KCNH2: variants seen among roughly 807,000 people sequenced by gnomAD.
KCNH2 encodes potassium voltage-gated channel subfamily H member 2, also known as voltage-gated inwardly rectifying potassium channel KCNH2.
A neutral mutation model predicts 95.9 loss-of-function variants in KCNH2; 35 were observed. The ratio of observed to expected loss-of-function variants is 0.37; its 90% CI spans 0.28 to 0.48. The LOEUF (loss-of-function observed/expected upper bound fraction) is 0.48. KCNH2 is among the 20% of genes least tolerant of loss of function. The pLI is 0.99. For synonymous variants in KCNH2, 786 were observed against 754.7 expected (o/e 1.04, Z -0.68); for missense variants, 1,274 against 1,702.9 (o/e 0.75, Z 4.43).
Position 150,950,433 on chromosome 7 carries a change from T to C in KCNH2, c.2146-13A>G. Reference sequence around the variant, plus strand: ...AGCCCTTCAGCACCTGGGGGCAGGGTGGGGGCAGCTCAGCACACCCTCCCT... The same window carrying C: ...AGCCCTTCAGCACCTGGGGGCAGGGCGGGGGCAGCTCAGCACACCCTCCCT... On this transcript the variant is annotated splice_polypyrimidine_tract_variant and intron_variant, in intron 8 of 14. Transcript: ENST00000262186. 1.2e-6 allele frequency: 2 copies of C among 1,610,166 alleles called. No homozygotes were observed. Among genetic ancestry groups the C allele is most frequent in the South Asian group, 1.1e-5 (1 of 90,932 alleles).
intron 5 of KCNH2, chr7:150,955,539 G>A: frequency 6.6e-7 from 1 of 1,525,256 alleles, no homozygotes. Flanking sequence ...CCTGCCCTGG[G>A]GCCTGAGGGC....
intron 1 of KCNH2, 63 bp downstream of exon 1, chr7:150,977,775 C>G: frequency 8.3e-7 from 1 of 1,203,166 alleles, no homozygotes; most frequent in Non-Finnish European, 1.2e-6. Flanking sequence ...CCCCCATCCA[C>G]ACTCGGAAGA....
chr7:150,948,423 T>TCCTCCCCCCCCCCCCCCCCCC, intron 11 of KCNH2, 21 bp downstream of exon 11: 1 of 894,068 alleles, frequency 1.1e-6, no homozygotes. Context: ...CCCTCCCCCT[T>TCCTCCCCCCCCCCCCCCCCCC]CCTCCCCTCC....
chr7:150,957,577 T>A, intron 4 of KCNH2, 75 bp from the exon 5 acceptor site: 2 of 1,082,700 alleles, frequency 1.8e-6, no homozygotes, highest in Non-Finnish European at 2.8e-6. Flanking sequence ...AGATCGAGAG[T>A]GGAGACCAGG....
At chr7:150,959,062 G>GA (rs1200191984) in intron 3 of KCNH2, among the ~76,000 whole-genome samples, 1 of 152,246 alleles carries the variant, frequency 6.6e-6, no homozygotes, top group Non-Finnish European at 1.5e-5. Context: ...TTGTCAAGGG[G>GA]ATGGTCCAGC....
intron 2 of KCNH2, among the ~76,000 whole-genome samples, chr7:150,973,531 C>T (rs1801892491): frequency 6.6e-6 from 1 of 152,256 alleles, no homozygotes; most frequent in African/African-American, 2.4e-5. Flanking sequence ...CTCACAGCCC[C>T]TGCCTCCTGC....
chr7:150,954,607 C>T (rs1422052375), intron 5 of KCNH2, among the ~76,000 whole-genome samples: 3 of 152,236 alleles, frequency 2.0e-5, no homozygotes, highest in Non-Finnish European at 2.9e-5. Context: ...CAAACCCTGA[C>T]TCCTCAGCTG....
rs1057523402 is a variant in KCNH2, at chr7:150,958,377, G to C, written c.598C>G (p.Leu200Val). 6.8e-7 allele frequency: 1 copy of C among 1,475,488 alleles called. No individual in the cohort carries two copies. The highest frequency in any genetic ancestry group is 8.9e-7 in the Non-Finnish European group (1 of 1,119,858). 91.4% of individuals were successfully genotyped at this position (1,475,488 alleles called of 1,614,324 possible). A position where few individuals can be genotyped will look rare whatever the true frequency, so the allele number is the denominator to read the frequency against. ...APGAVVVDVD[L>V]TPAAPSSESL... Reference sequence around the variant, plus strand: ...TCGCTGCTGGGTGCCGCGGGCGTCAGGTCCACGTCCACCACCACGGCCCCC... The same window carrying C: ...TCGCTGCTGGGTGCCGCGGGCGTCACGTCCACGTCCACCACCACGGCCCCC... The change falls in exon 4 of 15, where the codon CTG becomes GTG. Residue 200 changes from leucine (L) to valine (V), a missense_variant. Around this residue, in one of 7 missense-constraint regions of KCNH2, gnomAD observed 392 missense variants for 429.9 expected, o/e 0.91. Coordinates refer to ENST00000262186, the MANE Select transcript of KCNH2 (RefSeq NM_000238.4).
At chr7:150,977,800 C>CA in intron 1 of KCNH2, 38 bp downstream of exon 1, 1 of 1,082,546 alleles carries the variant, frequency 9.2e-7, no homozygotes, top group African/African-American at 1.6e-5. Flanking sequence ...GGCCCGCCCC[C>CA]AGAGCCCCCT....
intron 7 of KCNH2, 79 bp from the exon 8 acceptor site, chr7:150,951,199 C>G: frequency 7.8e-7 from 1 of 1,278,382 alleles, no homozygotes; most frequent in Non-Finnish European, 1.1e-6. Context: ...AGGCCCCGCA[C>G]CAGGTCAGTG....
intron 7 of KCNH2, 90 bp downstream of exon 7, chr7:150,951,358 C>A: frequency 6.5e-7 from 1 of 1,536,222 alleles, no homozygotes. Flanking sequence ...TCCAGGGCCT[C>A]ACTCTGGCCC....
At position 150,977,990 on chromosome 7, in the gene KCNH2, C is replaced by CCACCA. The variant is rs1333229868; in HGVS notation, c.-78_-77insTGGTG. Reference sequence around the variant, plus strand: ...GGCCCAGCACTAGGCTTCGGGTGGCCCGGCCGGGCCGTGGTCCCCGCACCC... The same window carrying CCACCA: ...GGCCCAGCACTAGGCTTCGGGTGGCCCACCACGGCCGGGCCGTGGTCCCCGCACCC... On this transcript the variant is annotated 5_prime_UTR_variant, in exon 1 of 15. Transcript: ENST00000262186. 3 of 737,534 alleles carry CCACCA rather than the reference C, an allele frequency of 4.1e-6. No homozygotes were observed. The East Asian group carries it at 1.1e-4, about 28-fold the overall frequency. 45.7% of individuals were successfully genotyped at this position (737,534 alleles called of 1,614,324 possible). A position where few individuals can be genotyped will look rare whatever the true frequency, so the allele number is the denominator to read the frequency against.
At chr7:150,968,909 G>A (rs922192226) in intron 2 of KCNH2, among the ~76,000 whole-genome samples, 2 of 152,188 alleles carry the variant, frequency 1.3e-5, no homozygotes, top group Admixed American at 6.5e-5. Context: ...GCTTCATGGC[G>A]AGGAGAATGA....
rs376848355 is a variant in KCNH2, at chr7:150,951,136, C to T, written c.1946-16G>A. 72 of 1,586,480 alleles carry T rather than the reference C, an allele frequency of 4.5e-5. 4 individuals are homozygous for T. Among genetic ancestry groups the T allele is most frequent in the South Asian group, 3.7e-4 (33 of 88,298 alleles). On this transcript the variant is annotated splice_polypyrimidine_tract_variant and intron_variant, in intron 7 of 14. Transcript: ENST00000262186. Reference sequence around the variant, plus strand: ...TACATGAGGGCTGGGGGCGTGGGCACGTGGGGCCGTCAGCCTCTGCAGGGA... The same window carrying T: ...TACATGAGGGCTGGGGGCGTGGGCATGTGGGGCCGTCAGCCTCTGCAGGGA...
In KCNH2 at chr7:150,961,925, G is replaced by A. The variant is rs1801576674; in HGVS notation, c.308-2189C>T. Among the ~76,000 whole-genome samples the A allele has an allele frequency of 6.6e-6, 1 of 152,212 alleles. No homozygotes were observed. The highest frequency in any genetic ancestry group is 1.9e-4 in the East Asian group (1 of 5,204). On this transcript the variant is annotated intron_variant, in intron 2 of 14. Coordinates refer to ENST00000262186, the MANE Select transcript of KCNH2 (RefSeq NM_000238.4). This position sits in a 1 kb window ranked among gnomAD's most constrained non-coding sequence, Gnocchi z 6.2. ...AGGTCTTCTGAAACCAGCTTAAACA[G>A]GATGGCACTAGGTGAAGGGGCTGGC...
At chr7:150,955,383 G>A (rs776569533) in intron 5 of KCNH2, 18 of 1,552,926 alleles carry the variant, frequency 1.2e-5, no homozygotes, top group African/African-American at 8.2e-5. Context: ...AGGAAGGACC[G>A]GGTGTCACCT....
At chr7:150,949,329 C>T in intron 9 of KCNH2, 1 of 1,363,996 alleles carries the variant, frequency 7.3e-7, no homozygotes, top group Non-Finnish European at 9.5e-7. Context: ...CCCAAACACC[C>T]TCTTAGCCAA....
chr7:150,951,872 G>A (rs527439153), intron 6 of KCNH2, 37 bp from the exon 7 acceptor site: 2 of 1,524,176 alleles, frequency 1.3e-6, no homozygotes, highest in Non-Finnish European at 1.8e-6. Flanking sequence ...CGTTGATGGG[G>A]CAAGGGGGGC....
rs1563161885 is a variant in KCNH2 at position 150,952,952 on chromosome 7, A to C, written c.1129-99T>G. On this transcript the variant is annotated intron_variant, in intron 5 of 14. Transcript: ENST00000262186. The surrounding 1 kb of genome is among the most constrained non-coding windows in gnomAD (Gnocchi z 7.3). ...GCCGGGGCCAAGCAGAATGAGGAGG[A>C]GGCCAAAAAAAGCTTCCATCAGAAT... 1.7e-6 allele frequency: 2 copies of C among 1,209,090 alleles called. No homozygotes were observed. Among genetic ancestry groups the C allele is most frequent in the South Asian group, 2.7e-5 (2 of 74,122 alleles). 74.9% of individuals were successfully genotyped at this position (1,209,090 alleles called of 1,614,324 possible). A position where few individuals can be genotyped will look rare whatever the true frequency, so the allele number is the denominator to read the frequency against.
Sources: gnomAD v4.1 joint callset for allele counts (sites outside exome capture counted in the v4.1 genomes callset) on GRCh38, gnomAD v4.1.1 for gene constraint, gnomAD v4.1.1 regional missense constraint, Gnocchi (gnomAD v3.1) non-coding constraint, MANE v1.5 for transcripts, NCBI Gene and HGNC (gene_info 2026-07-23, HGNC 2026-07-21) for gene names.